Variants in THSD7A observed in about 807,000 individuals in gnomAD.
THSD7A encodes the protein thrombospondin type-1 domain-containing protein 7A.
In THSD7A, 96 loss-of-function variants were observed where a neutral mutation model predicts 231.3. The observed-to-expected ratio is 0.41, with a 90% confidence interval of 0.35 to 0.49. THSD7A has a LOEUF of 0.49. Among genes scored for constraint, THSD7A ranks in the 20% least tolerant of loss-of-function variants. THSD7A has a pLI of 0.05. For missense variants in THSD7A, 2,290 were observed against 2,070.2 expected (o/e 1.11, Z -2.06); for synonymous variants, 940 against 743.3 (o/e 1.26, Z -4.30).
intron 1 of THSD7A, among the ~76,000 whole-genome samples, chr7:11,797,574 G>A (rs1336138575): frequency 6.6e-6 from 1 of 151,802 alleles, no homozygotes; most frequent in Non-Finnish European, 1.5e-5. Flanking sequence ...ACATCACCAT[G>A]TCTGACTAAT....
At chr7:11,815,582 G>A (rs1784666492) in intron 1 of THSD7A, among the ~76,000 whole-genome samples, 1 of 152,108 alleles carries the variant, frequency 6.6e-6, no homozygotes, top group African/African-American at 2.4e-5. Context: ...CTACGCTATT[G>A]AAGTTACTGC....
At chr7:11,458,706 G>A (rs932120047) in intron 11 of THSD7A, among the ~76,000 whole-genome samples, 9 of 152,102 alleles carry the variant, frequency 5.9e-5, no homozygotes, top group Non-Finnish European at 1.2e-4. Context: ...TATCACAGAG[G>A]GAGTGGGTAA....
At chr7:11,543,711 T>C (rs1789249977) in intron 4 of THSD7A, among the ~76,000 whole-genome samples, 1 of 152,206 alleles carries the variant, frequency 6.6e-6, no homozygotes, top group African/African-American at 2.4e-5. Flanking sequence ...TCTGCATATG[T>C]GACACAAATC....
chr7:11,435,788 G>T (rs1352841743), intron 13 of THSD7A, among the ~76,000 whole-genome samples: 1 of 151,716 alleles, frequency 6.6e-6, no homozygotes, highest in African/African-American at 2.4e-5. Flanking sequence ...ACTGAGCCTG[G>T]GGCAGTACTG....
intron 1 of THSD7A, among the ~76,000 whole-genome samples, chr7:11,799,078 A>C (rs1401523735): frequency 6.6e-6 from 1 of 152,050 alleles, no homozygotes; most frequent in East Asian, 1.9e-4. Flanking sequence ...TCACACCACC[A>C]CACCCAGATA....
At chr7:11,546,273 A>T (rs1260546689) in intron 4 of THSD7A, among the ~76,000 whole-genome samples, 1 of 151,474 alleles carries the variant, frequency 6.6e-6, no homozygotes, top group Non-Finnish European at 1.5e-5. Flanking sequence ...GATGGCATGC[A>T]TGCCCAAGTG....
chr7:11,686,041 C>G (rs954455147), intron 1 of THSD7A, among the ~76,000 whole-genome samples: 2 of 151,700 alleles, frequency 1.3e-5, no homozygotes, highest in African/African-American at 4.8e-5. Flanking sequence ...ACCATAAAAG[C>G]GGAATCATGT....
intron 6 of THSD7A, among the ~76,000 whole-genome samples, chr7:11,482,207 C>T (rs1465441146): frequency 6.6e-6 from 1 of 152,170 alleles, no homozygotes; most frequent in Non-Finnish European, 1.5e-5. Context: ...AGGCTTCTTT[C>T]ATTATCAGGG....
chr7:11,815,445 C>A (rs1009040435), intron 1 of THSD7A, among the ~76,000 whole-genome samples: 5 of 151,950 alleles, frequency 3.3e-5, no homozygotes, highest in Admixed American at 6.6e-5. Flanking sequence ...GGGATGAGTT[C>A]TATACCTGTA....
intron 1 of THSD7A, among the ~76,000 whole-genome samples, chr7:11,768,633 G>A (rs113266606): frequency 2.6e-5 from 4 of 152,198 alleles, no homozygotes; most frequent in Non-Finnish European, 4.4e-5. Context: ...CTTGAACTAA[G>A]GACAGTGAGT....
At chr7:11,568,986 C>CAAAA (rs34929385) in intron 4 of THSD7A, among the ~76,000 whole-genome samples, 4,735 of 142,984 alleles carry the variant, frequency 0.033, 145 homozygotes, top group African/African-American at 0.064. Flanking sequence ...ACAATAGCTA[C>CAAAA]AAAAAAAAAA....
intron 6 of THSD7A, among the ~76,000 whole-genome samples, chr7:11,504,004 G>A (rs1194805785): frequency 6.6e-6 from 1 of 152,080 alleles, no homozygotes; most frequent in African/African-American, 2.4e-5. Flanking sequence ...AGAGATACAT[G>A]CATGCAAATG....
At chr7:11,545,797 A>C (rs890003587) in intron 4 of THSD7A, among the ~76,000 whole-genome samples, 1 of 152,188 alleles carries the variant, frequency 6.6e-6, no homozygotes, top group African/African-American at 2.4e-5. Context: ...CAGAATCCAG[A>C]GCGTTTGGCA....
At chr7:11,589,938 G>A (rs1056825839) in intron 4 of THSD7A, among the ~76,000 whole-genome samples, 2 of 152,026 alleles carry the variant, frequency 1.3e-5, no homozygotes, top group Non-Finnish European at 2.9e-5. Context: ...AACAACTGAA[G>A]AGTTTTAAAA....
intron 1 of THSD7A, among the ~76,000 whole-genome samples, chr7:11,786,696 A>G (rs1440580338): frequency 6.6e-6 from 1 of 150,518 alleles, no homozygotes; most frequent in Non-Finnish European, 1.5e-5. Flanking sequence ...CTACTGTAGT[A>G]TGGGTTTTGT....
At chr7:11,405,910 T>C (rs1452507184) in intron 22 of THSD7A, among the ~76,000 whole-genome samples, 6 of 152,226 alleles carry the variant, frequency 3.9e-5, no homozygotes. Flanking sequence ...GGACTTAATC[T>C]GTTTTTAGCC....
intron 1 of THSD7A, among the ~76,000 whole-genome samples, chr7:11,769,668 C>T (rs1009749488): frequency 6.6e-6 from 1 of 152,052 alleles, no homozygotes; most frequent in Non-Finnish European, 1.5e-5. Flanking sequence ...TTAATGTTGG[C>T]TAATAGTTCC....
At chr7:11,397,582 T>C (rs1009743499) in intron 23 of THSD7A, among the ~76,000 whole-genome samples, 4 of 152,160 alleles carry the variant, frequency 2.6e-5, no homozygotes, top group African/African-American at 9.7e-5. Flanking sequence ...AAAGAGCTTC[T>C]GCACAGCAAA....
intron 7 of THSD7A, among the ~76,000 whole-genome samples, chr7:11,475,642 C>T (rs1786138284): frequency 6.7e-6 from 1 of 148,482 alleles, no homozygotes; most frequent in Non-Finnish European, 1.5e-5. Context: ...TATATGCATA[C>T]ATGTAATGAA....
Sources: gnomAD v4.1 joint callset for allele counts (sites outside exome capture counted in the v4.1 genomes callset) on GRCh38, gnomAD v4.1.1 for gene constraint, MANE v1.5 for transcripts, NCBI Gene and HGNC (gene_info 2026-07-23, HGNC 2026-07-21) for gene names.